PHKA1: variants seen among roughly 807,000 people sequenced by gnomAD.
PHKA1 encodes the protein phosphorylase kinase regulatory subunit alpha 1, also known as phosphorylase b kinase regulatory subunit alpha, skeletal muscle isoform.
Under a neutral mutation model 110.2 loss-of-function variants are expected in PHKA1, and 60 were observed. That is an observed-to-expected ratio of 0.54 (90% confidence interval 0.44 to 0.68). The LOEUF (loss-of-function observed/expected upper bound fraction) is 0.68. Among genes scored for constraint, PHKA1 ranks in the 30% least tolerant of loss-of-function variants. The pLI, the probability that PHKA1 is intolerant of heterozygous loss-of-function variation, is 0.00. For synonymous variants in PHKA1, 316 were observed against 333.6 expected, an observed-to-expected ratio of 0.95 and a Z score of 0.58; for missense variants, 801 against 942.5, an observed-to-expected ratio of 0.85 and a Z score of 1.97.
At chrX:72,660,161 C>T (rs1254466825) in intron 8 of PHKA1, among the ~76,000 whole-genome samples, 1 of 111,924 alleles carries the variant, frequency 8.9e-6, no homozygotes, top group Non-Finnish European at 1.9e-5. Flanking sequence ...TCTTGACACA[C>T]CCTGGTTGAT....
At chrX:72,582,627 C>G (rs1048979234) in intron 30 of PHKA1, 29 bp from the exon 31 acceptor site, 5 of 973,306 alleles carry the variant, frequency 5.1e-6, no homozygotes, top group Non-Finnish European at 7.3e-6. Context: ...AAATCACTTC[C>G]TAAGAGTCCA....
At chrX:72,581,952 G>C (rs2052342797) in intron 31 of PHKA1, among the ~76,000 whole-genome samples, 1 of 112,122 alleles carries the variant, frequency 8.9e-6, no homozygotes. Flanking sequence ...AGGAGTAAAA[G>C]TTTCACTTTC....
intron 5 of PHKA1, among the ~76,000 whole-genome samples, chrX:72,677,927 AGT>A (rs1163756679): frequency 5.4e-5 from 6 of 110,766 alleles, no homozygotes; most frequent in Middle Eastern, 4.6e-3. Flanking sequence ...GTGCTTCTAT[AGT>A]TCCAACTACT....
chrX:72,581,873 C>T (rs925592462), intron 31 of PHKA1, among the ~76,000 whole-genome samples: 1 of 111,973 alleles, frequency 8.9e-6, no homozygotes, highest in African/African-American at 3.2e-5. Context: ...GGGACACTTT[C>T]AATAGTTTGT....
At chrX:72,628,675 C>T (rs940897460) in intron 16 of PHKA1, among the ~76,000 whole-genome samples, 115 of 106,293 alleles carry the variant, frequency 1.1e-3, no homozygotes, top group Non-Finnish European at 1.9e-3. Context: ...CTGCAACCTC[C>T]GCCTCCCGGG....
chrX:72,615,773 G>A (rs1356612735), intron 21 of PHKA1, among the ~76,000 whole-genome samples: 2 of 99,414 alleles, frequency 2.0e-5, no homozygotes, highest in Non-Finnish European at 4.1e-5. Context: ...AAGGAAGGAA[G>A]GAAGGAAGGA....
intron 2 of PHKA1, among the ~76,000 whole-genome samples, chrX:72,707,571 G>A (rs782725437): frequency 9.2e-6 from 1 of 108,650 alleles, no homozygotes; most frequent in Non-Finnish European, 1.9e-5. Context: ...GACGAAGGAA[G>A]TTGAATTAAA....
At chrX:72,596,386 C>A (rs2052589693) in intron 28 of PHKA1, among the ~76,000 whole-genome samples, 1 of 110,608 alleles carries the variant, frequency 9.0e-6, no homozygotes, top group Admixed American at 9.6e-5. Context: ...CAACATCAAG[C>A]CTATAGTTAA....
intron 21 of PHKA1, among the ~76,000 whole-genome samples, chrX:72,611,572 A>T (rs2052810483): frequency 8.9e-6 from 1 of 112,341 alleles, no homozygotes; most frequent in South Asian, 3.7e-4. Flanking sequence ...ATATATAAAG[A>T]ACTCCAACAT....
chrX:72,710,041 TC>T (rs2054346742), intron 2 of PHKA1, among the ~76,000 whole-genome samples: 1 of 38,055 alleles, frequency 2.6e-5, no homozygotes, highest in Non-Finnish European at 4.0e-5. Context: ...GACTTAGTCT[TC>T]AAAAAAAAAA....
At position 72,625,063 on chromosome X, in the gene PHKA1, G is replaced by GT. The variant is rs2053037037; in HGVS notation, c.1794-1789dup. Among the ~76,000 whole-genome samples the GT allele has an allele frequency of 2.7e-5, 3 of 111,877 alleles. No homozygotes were observed. In the South Asian group the frequency reaches 1.1e-3, roughly 42 times the overall value. Reference sequence around the variant, plus strand: ...GATAAAACATTATTGGGATAATTGGGTAACTGTTCTTATTTCTCCTTCTAC... The same window carrying GT: ...GATAAAACATTATTGGGATAATTGGGTTAACTGTTCTTATTTCTCCTTCTAC... On this transcript the variant is annotated intron_variant, in intron 17 of 31. Transcript: ENST00000373542.
At chrX:72,646,140 T>C (rs1307289998) in intron 13 of PHKA1, among the ~76,000 whole-genome samples, 6 of 111,809 alleles carry the variant, frequency 5.4e-5, no homozygotes, top group African/African-American at 1.6e-4. Context: ...TCTGGAAAGA[T>C]AGACAGGAGT....
intron 4 of PHKA1, among the ~76,000 whole-genome samples, chrX:72,686,578 T>C (rs1222769120): frequency 8.9e-6 from 1 of 112,133 alleles, no homozygotes; most frequent in Non-Finnish European, 1.9e-5. Flanking sequence ...AATGTTGCAA[T>C]GAGTATTTGT....
In PHKA1 at chrX:72,695,743, A is replaced by G. The variant is rs782632131; in HGVS notation, c.419T>C (p.Val140Ala). 2 of 1,209,748 alleles carry G rather than the reference A, an allele frequency of 1.7e-6. No homozygotes were observed. Among genetic ancestry groups the G allele is most frequent in the Admixed American group, 2.2e-5 (1 of 45,946 alleles). ...CATTTGGGCTAAGAAGAGCAGGTAC[A>G]CAGAGGTAGCATCCAACTGCAGGTG... Reference protein sequence around the residue: ...WGHLQLDATSVYLLFLAQMTA... With the variant: ...WGHLQLDATSAYLLFLAQMTA... Residue 140 changes from valine (V) to alanine (A), a missense_variant, in exon 4 of 32, where the codon GTG becomes GCG. Around this residue, in one of 2 missense-constraint regions of PHKA1, gnomAD observed 299 missense variants for 423.3 expected, o/e 0.71. Coordinates refer to ENST00000373542, the MANE Select transcript of PHKA1 (RefSeq NM_002637.4).
chrX:72,652,758 T>C, intron 11 of PHKA1, 107 bp from the exon 12 acceptor site: 1 of 549,503 alleles, frequency 1.8e-6, no homozygotes, highest in Non-Finnish European at 3.2e-6. Flanking sequence ...TAGCTACATA[T>C]GCAATGCACT....
intron 29 of PHKA1, among the ~76,000 whole-genome samples, chrX:72,589,107 T>G (rs1009617830): frequency 3.0e-4 from 34 of 111,599 alleles, no homozygotes; most frequent in African/African-American, 1.0e-3. Context: ...TACCAAAGCC[T>G]GGCAGAGACA....
chrX:72,668,418 A>G (rs782663494), intron 6 of PHKA1, among the ~76,000 whole-genome samples: 1 of 112,560 alleles, frequency 8.9e-6, no homozygotes, highest in Non-Finnish European at 1.9e-5. Context: ...AGCTATCACT[A>G]GCAGTATATG....
At chrX:72,697,717 G>A (rs1185438439) in intron 3 of PHKA1, among the ~76,000 whole-genome samples, 1 of 110,575 alleles carries the variant, frequency 9.0e-6, no homozygotes, top group Non-Finnish European at 1.9e-5. Context: ...GGGTGCGGTG[G>A]CTCACGCCTG....
At chrX:72,712,650 A>G in intron 2 of PHKA1, 129 bp downstream of exon 2, 1 of 595,411 alleles carries the variant, frequency 1.7e-6, no homozygotes, top group South Asian at 2.5e-5. Flanking sequence ...CAGAAAGATG[A>G]TGAAAGAGGG....
Sources: gnomAD v4.1 joint callset for allele counts (sites outside exome capture counted in the v4.1 genomes callset) on GRCh38, gnomAD v4.1.1 for gene constraint, gnomAD v4.1.1 regional missense constraint, MANE v1.5 for transcripts, NCBI Gene and HGNC (gene_info 2026-07-23, HGNC 2026-07-21) for gene names.